Variants in CNTNAP4 observed in about 807,000 individuals in gnomAD.
The protein encoded by CNTNAP4 is contactin-associated protein-like 4.
CNTNAP4 carries 98 observed loss-of-function variants against 148.4 expected under a neutral mutation model. The observed-to-expected ratio is 0.66, with a 90% CI of 0.56 to 0.78. CNTNAP4 has a LOEUF of 0.78. Among genes scored for constraint, CNTNAP4 ranks in the 30% least tolerant of loss-of-function variants. CNTNAP4 has a pLI of 0.00. For missense variants in CNTNAP4, 1,935 were observed against 1,565.6 expected (o/e 1.24, Z -3.98); for synonymous variants, 730 against 565.1 (o/e 1.29, Z -4.14).
At chr16:76,311,700 A>C (rs1024143748) in intron 1 of CNTNAP4, among the ~76,000 whole-genome samples, 1 of 152,192 alleles carries the variant, frequency 6.6e-6, no homozygotes, top group African/African-American at 2.4e-5. Context: ...TCTAATTGAA[A>C]GAAACAATGA....
chr16:76,367,500 A>G (rs1011941746), intron 3 of CNTNAP4, among the ~76,000 whole-genome samples: 1 of 152,230 alleles, frequency 6.6e-6, no homozygotes, highest in Non-Finnish European at 1.5e-5. Context: ...AAATATTTTT[A>G]GCCTATATGA....
At chr16:76,426,639 C>T (rs576922361) in intron 3 of CNTNAP4, among the ~76,000 whole-genome samples, 11 of 152,178 alleles carry the variant, frequency 7.2e-5, no homozygotes, top group Admixed American at 2.0e-4. Flanking sequence ...CCTATTATGT[C>T]GATGCATCCT....
intron 3 of CNTNAP4, among the ~76,000 whole-genome samples, chr16:76,399,058 C>G (rs1198405062): frequency 6.6e-6 from 1 of 152,106 alleles, no homozygotes; most frequent in African/African-American, 2.4e-5. Flanking sequence ...TGCGCAAGCT[C>G]TCTTGCCTGC....
chr16:76,536,479 A>G (rs1385390301), intron 18 of CNTNAP4, among the ~76,000 whole-genome samples: 1 of 152,144 alleles, frequency 6.6e-6, no homozygotes, highest in Admixed American at 6.5e-5. Context: ...TACAGACGTG[A>G]GTCCCCATGC....
chr16:76,519,464 A>G (rs1178098899), intron 15 of CNTNAP4, among the ~76,000 whole-genome samples: 3 of 152,214 alleles, frequency 2.0e-5, no homozygotes, highest in Non-Finnish European at 4.4e-5. Context: ...TTAAGTAATT[A>G]TGAATGTTCC....
intron 3 of CNTNAP4, among the ~76,000 whole-genome samples, chr16:76,358,957 G>T (rs776642528): frequency 6.6e-5 from 10 of 151,952 alleles, no homozygotes; most frequent in Admixed American, 4.6e-4. Flanking sequence ...CTATTCCATA[G>T]TTACTCTGGT....
intron 19 of CNTNAP4, 148 bp downstream of exon 19, chr16:76,538,488 C>G (rs1280910477): frequency 3.5e-6 from 2 of 564,124 alleles, no homozygotes; most frequent in South Asian, 2.5e-5. Flanking sequence ...TAGTACTATC[C>G]TATAAGTATA....
chr16:76,299,988 C>A (rs1959775637), intron 1 of CNTNAP4, among the ~76,000 whole-genome samples: 1 of 151,810 alleles, frequency 6.6e-6, no homozygotes, highest in South Asian at 2.1e-4. Flanking sequence ...CACACTGGGG[C>A]CTGTTGTGGG....
intron 2 of CNTNAP4, among the ~76,000 whole-genome samples, chr16:76,350,894 C>G (rs2011640274): frequency 6.6e-6 from 1 of 151,984 alleles, no homozygotes; most frequent in Non-Finnish European, 1.5e-5. Context: ...TATGCCAAGT[C>G]TCAGTAACAA....
intron 21 of CNTNAP4, among the ~76,000 whole-genome samples, chr16:76,552,934 T>C (rs1448625845): frequency 1.3e-5 from 2 of 152,220 alleles, no homozygotes; most frequent in Non-Finnish European, 2.9e-5. Flanking sequence ...CCTCTTGATA[T>C]TGACTACAAG....
intron 3 of CNTNAP4, among the ~76,000 whole-genome samples, chr16:76,380,794 C>T (rs1322172539): frequency 2.0e-5 from 3 of 152,206 alleles, no homozygotes; most frequent in South Asian, 2.1e-4. Context: ...CAGCAGTTAC[C>T]GAGGGTGGAA....
At chr16:76,441,327 A>G (rs2080030465) in intron 4 of CNTNAP4, among the ~76,000 whole-genome samples, 1 of 152,174 alleles carries the variant, frequency 6.6e-6, no homozygotes, top group Non-Finnish European at 1.5e-5. Context: ...TTTCAAGAAT[A>G]CTACATCTGA....
chr16:76,363,959 C>CA (rs941061605), intron 3 of CNTNAP4, among the ~76,000 whole-genome samples: 15 of 151,464 alleles, frequency 9.9e-5, no homozygotes, highest in African/African-American at 3.6e-4. Context: ...ATATAATATA[C>CA]AAAAAAATAC....
intron 4 of CNTNAP4, among the ~76,000 whole-genome samples, chr16:76,437,219 G>A (rs2079864717): frequency 6.6e-6 from 1 of 152,102 alleles, no homozygotes; most frequent in Admixed American, 6.6e-5. Context: ...GCTGGCAGCT[G>A]ATTAGTTGGT....
rs191081144 is a variant in CNTNAP4 at position 76,401,831 on chromosome 16, C to T, written c.391-25621C>T. Among the ~76,000 whole-genome samples, 90 of 152,144 alleles carry T rather than the reference C, an allele frequency of 5.9e-4. 1 individual carries two copies. The highest frequency in any genetic ancestry group is 1.8e-3 in the African/African-American group (75 of 41,502). On this transcript the variant is annotated intron_variant, in intron 3 of 23. Coordinates refer to ENST00000611870, the MANE Select transcript of CNTNAP4 (RefSeq NM_033401.5). ...ATTTTTGTCTTTAGTTCTGTTTATG[C>T]GATGAATCACACTTATTGATTTGCA...
chr16:76,345,213 C>A (rs1320673777), intron 2 of CNTNAP4, among the ~76,000 whole-genome samples: 1 of 152,070 alleles, frequency 6.6e-6, no homozygotes, highest in Admixed American at 6.6e-5. Flanking sequence ...TTGAGTATTG[C>A]CACTTATCAG....
chr16:76,290,943 G>T (rs1055850936), intron 1 of CNTNAP4, among the ~76,000 whole-genome samples: 3 of 152,098 alleles, frequency 2.0e-5, no homozygotes, highest in African/African-American at 7.2e-5. Context: ...GTCTTATGTG[G>T]CCTTTCCTTT....
chr16:76,299,600 A>T (rs1318544394), intron 1 of CNTNAP4, among the ~76,000 whole-genome samples: 3 of 152,098 alleles, frequency 2.0e-5, no homozygotes, highest in Non-Finnish European at 2.9e-5. Flanking sequence ...TTCCTCAGGG[A>T]TCTAGAACTA....
chr16:76,333,368 G>A (rs777137288), intron 2 of CNTNAP4, among the ~76,000 whole-genome samples: 2 of 152,130 alleles, frequency 1.3e-5, no homozygotes, highest in African/African-American at 2.4e-5. Context: ...CAAATCTGCT[G>A]TTGAAGTCCT....
Sources: allele counts gnomAD v4.1 joint callset (sites outside exome capture counted in the v4.1 genomes callset), GRCh38; gene constraint gnomAD v4.1.1; transcripts MANE v1.5; gene names NCBI Gene and HGNC (gene_info 2026-07-23, HGNC 2026-07-21).